The following FGD4 variants were observed in gnomAD, a reference collection of about 807,000 sequenced individuals.
FGD4 encodes FYVE, RhoGEF and PH domain containing 4, also known as FYVE, RhoGEF and PH domain-containing protein 4.
FGD4 carries 42 observed loss-of-function variants against 102.0 expected under a neutral mutation model. The ratio of observed to expected loss-of-function variants is 0.41; its 90% CI spans 0.32 to 0.53. The LOEUF is 0.53. Among genes scored for constraint, FGD4 ranks in the 20% least tolerant of loss-of-function variants. The pLI is 0.21. For missense variants in FGD4, 902 were observed against 1,078.2 expected (o/e 0.84, Z 2.29); for synonymous variants, 380 against 375.7 (o/e 1.01, Z -0.13).
chr12:32,580,275 GAA>G (rs1440130211), intron 3 of FGD4, among the ~76,000 whole-genome samples: 1 of 152,138 alleles, frequency 6.6e-6, no homozygotes, highest in Non-Finnish European at 1.5e-5. Context: ...TTGTGAGGAT[GAA>G]ACAAGGTAAT....
chr12:32,495,847 G>A (rs1297535983), intron 1 of FGD4, among the ~76,000 whole-genome samples: 5 of 152,106 alleles, frequency 3.3e-5, no homozygotes, highest in African/African-American at 9.6e-5. Flanking sequence ...TTCACCTACC[G>A]TGCATACACA....
chr12:32,399,759 G>T lies in FGD4; in HGVS notation c.-35G>T, dbSNP rs570100469. The T allele has an allele frequency of 5.2e-5, 79 of 1,525,112 alleles. No individual in the cohort carries two copies. The East Asian group carries it at 1.9e-3, about 36-fold the overall frequency. The allele number at this position is 1,525,112 out of a possible 1,614,324, so 94.5% of individuals were successfully genotyped here. A position where few individuals can be genotyped will look rare whatever the true frequency, so the allele number is the denominator to read the frequency against. ...GGCCGCTCGCGGCTGGACGGGAGCG[G>T]GAGGAGTCGGGGAGCGGCGGTCGAG... On this transcript the variant is annotated 5_prime_UTR_variant, in exon 1 of 17. Transcript: ENST00000534526.
At position 32,643,304 on chromosome 12, in the gene FGD4, T is replaced by C. The variant is rs1171359654; in HGVS notation, c.*2771T>C. 1 of 152,466 alleles carries C rather than the reference T, an allele frequency of 6.6e-6. No individual in the cohort carries two copies. Among genetic ancestry groups the C allele is most frequent in the Non-Finnish European group, 1.5e-5 (1 of 67,934 alleles). The allele number at this position is 152,466 out of a possible 1,614,324, so 9.4% of individuals were successfully genotyped here. On this transcript the variant is annotated 3_prime_UTR_variant, in exon 17 of 17. Transcript: ENST00000534526. Reference sequence around the variant, plus strand: ...ATCATGTATGCAAGCAATAAAACTCTTTAGGGTATGGTTTTATACTGAAAA... The same window carrying C: ...ATCATGTATGCAAGCAATAAAACTCCTTAGGGTATGGTTTTATACTGAAAA...
In FGD4 at chr12:32,538,584, G is replaced by A. The variant is rs1301835183; in HGVS notation, c.167-25553G>A. 2.0e-5 allele frequency among the ~76,000 whole-genome samples: 3 copies of A among 152,234 alleles called. No homozygotes were observed. The East Asian group carries it at 5.8e-4, about 29-fold the overall frequency. ...ATGAAGAAAGTATGGAGGGGTTAGT[G>A]GGTTAGTGAGATTGGAATCTGTGGC... On this transcript the variant is annotated intron_variant, in intron 1 of 16. Transcript: ENST00000534526.
intron 1 of FGD4, among the ~76,000 whole-genome samples, chr12:32,507,913 C>G (rs1053163601): frequency 6.6e-6 from 1 of 152,166 alleles, no homozygotes; most frequent in Non-Finnish European, 1.5e-5. Flanking sequence ...ATTTGCTACT[C>G]TTAGTAGTGA....
intron 1 of FGD4, among the ~76,000 whole-genome samples, chr12:32,464,891 T>C (rs1943210706): frequency 6.6e-6 from 1 of 152,236 alleles, no homozygotes; most frequent in Non-Finnish European, 1.5e-5. Flanking sequence ...CATAATTTTA[T>C]CATTAAAGTT....
At chr12:32,453,152 C>CAT (rs964950504) in intron 1 of FGD4, among the ~76,000 whole-genome samples, 7 of 139,096 alleles carry the variant, frequency 5.0e-5, no homozygotes, top group African/African-American at 1.6e-4. Context: ...ATTTATAAAA[C>CAT]GTGTGTGTGT....
At chr12:32,443,534 G>GTT (rs1178483915) in intron 1 of FGD4, among the ~76,000 whole-genome samples, 158 of 118,326 alleles carry the variant, frequency 1.3e-3, no homozygotes, top group South Asian at 2.4e-3. Context: ...TGTGTTTTAG[G>GTT]TTTTTTTTTT....
Position 32,620,512 on chromosome 12 carries a change from T to TTTCTTTCTTTC in FGD4, c.1922+644_1922+645insCTTTCTTTCTT, listed in dbSNP as rs1565915620. On this transcript the variant is annotated intron_variant, in intron 11 of 16. Coordinates refer to ENST00000534526, the MANE Select transcript of FGD4 (RefSeq NM_001370298.3). ...ACATTCCCCTAGCCATAACCATTTT[T>TTTCTTTCTTTC]TTTCTTTCTTTTTTTTTTTTTTTTT... 1.1e-3 allele frequency among the ~76,000 whole-genome samples: 142 copies of TTTCTTTCTTTC among 129,416 alleles called. 1 individual carries two copies. The highest frequency in any genetic ancestry group is 4.2e-3 in the African/African-American group (135 of 32,390). 84.9% of individuals were successfully genotyped at this position (129,416 alleles called of 152,430 possible).
intron 4 of FGD4, among the ~76,000 whole-genome samples, chr12:32,585,226 A>T (rs11834030): frequency 9.2e-5 from 6 of 65,250 alleles, no homozygotes; most frequent in African/African-American, 5.5e-4. Context: ...AAAATTTTAT[A>T]TATATATATA....
chr12:32,586,624 C>T (rs147361560), intron 4 of FGD4, among the ~76,000 whole-genome samples: 51 of 152,134 alleles, frequency 3.4e-4, no homozygotes, highest in African/African-American at 1.0e-3. Flanking sequence ...GAGCAGGGCA[C>T]GTGGTTAGGA....
At position 32,503,980 on chromosome 12, in the gene FGD4, C is replaced by T. The variant is rs567795718; in HGVS notation, c.167-60157C>T. Among the ~76,000 whole-genome samples, 6 of 152,238 alleles carry T rather than the reference C, an allele frequency of 3.9e-5. 1 individual carries two copies. The South Asian group carries it at 6.2e-4, about 16-fold the overall frequency. On this transcript the variant is annotated intron_variant, in intron 1 of 16. Transcript: ENST00000534526. ...AGCATTGGGGTAGGCTAGATAAATC[C>T]GTACACTTCTCAAGTTCCTAGTGTT...
At chr12:32,467,883 G>A (rs1169844201) in intron 1 of FGD4, among the ~76,000 whole-genome samples, 2 of 152,130 alleles carry the variant, frequency 1.3e-5, no homozygotes, top group Admixed American at 1.3e-4. Context: ...GAGAGTTGTG[G>A]TGGGTGCCTG....
chr12:32,430,314 GA>G (rs200906737), intron 1 of FGD4, among the ~76,000 whole-genome samples: 27 of 142,944 alleles, frequency 1.9e-4, no homozygotes, highest in East Asian at 1.8e-3. Context: ...TCTCAAAAAA[GA>G]AAAAAAAAAG....
chr12:32,475,204 T>G (rs1407770342), intron 1 of FGD4, among the ~76,000 whole-genome samples: 1 of 152,180 alleles, frequency 6.6e-6, no homozygotes, highest in Non-Finnish European at 1.5e-5. Context: ...TGGCCTGTGT[T>G]TTTTGGCGTC....
intron 1 of FGD4, among the ~76,000 whole-genome samples, chr12:32,492,979 T>C (rs1184243149): frequency 6.6e-6 from 1 of 152,196 alleles, no homozygotes; most frequent in Non-Finnish European, 1.5e-5. Flanking sequence ...AGTTGGATGC[T>C]TATGGACTGG....
intron 10 of FGD4, among the ~76,000 whole-genome samples, chr12:32,613,793 G>A (rs939357266): frequency 2.0e-5 from 3 of 151,920 alleles, no homozygotes; most frequent in African/African-American, 7.3e-5. Flanking sequence ...AAAAAATAAA[G>A]ACATCAGGTT....
intron 1 of FGD4, among the ~76,000 whole-genome samples, chr12:32,411,390 C>T (rs1400659277): frequency 6.6e-6 from 1 of 150,858 alleles, no homozygotes; most frequent in Non-Finnish European, 1.5e-5. Flanking sequence ...AAAAGTTAGC[C>T]GGGCGTGGTG....
chr12:32,478,837 A>G lies in FGD4; in HGVS notation c.166+78878A>G, dbSNP rs147605701. The stretch of plus-strand genomic sequence containing the variant: ...GTAGTGTGGTTGAGGCATGATCACA[A>G]TTATGATCCGTGGCATATGAATCTG... On this transcript the variant is annotated intron_variant, in intron 1 of 16. Transcript: ENST00000534526. Among the ~76,000 whole-genome samples, 183 of 152,280 alleles carry G rather than the reference A, an allele frequency of 1.2e-3. 1 individual carries two copies. The highest frequency in any genetic ancestry group is 4.0e-3 in the African/African-American group (168 of 41,558).
Sources: gnomAD v4.1 joint callset for allele counts (sites outside exome capture counted in the v4.1 genomes callset) on GRCh38, gnomAD v4.1.1 for gene constraint, MANE v1.5 for transcripts, NCBI Gene and HGNC (gene_info 2026-07-23, HGNC 2026-07-21) for gene names.